THAP12: variants seen among roughly 807,000 people sequenced by gnomAD.
THAP12 encodes THAP domain containing 12, also known as 52 kDa repressor of the inhibitor of the protein kinase.
THAP12 carries 20 observed loss-of-function variants against 63.0 expected under a neutral mutation model. That is an observed-to-expected ratio of 0.32 (90% CI 0.22 to 0.46). The LOEUF is 0.46. THAP12 is among the 20% of genes least tolerant of loss of function. THAP12 has a pLI of 1.00. For missense variants in THAP12, 568 were observed against 908.2 expected (o/e 0.63, Z 4.81); for synonymous variants, 264 against 328.4 (o/e 0.80, Z 2.12).
chr11:76,369,021 C>T (rs1044431557), intron 1 of THAP12, among the ~76,000 whole-genome samples: 11 of 151,956 alleles, frequency 7.2e-5, no homozygotes, highest in Non-Finnish European at 1.5e-4. Context: ...GACTCACATT[C>T]AAAATATATA....
At chr11:76,380,189 C>A (rs545446185) in intron 1 of THAP12, among the ~76,000 whole-genome samples, 1 of 152,308 alleles carries the variant, frequency 6.6e-6, no homozygotes, top group Admixed American at 6.5e-5. Context: ...CCCTACAATA[C>A]CCAAGCGAGA....
rs756133819 is a variant in THAP12 at position 76,361,038 on chromosome 11, T to C, written c.236A>G (p.Asp79Gly). The C allele has an allele frequency of 1.3e-5, 21 of 1,610,488 alleles. No individual in the cohort carries two copies. The highest frequency in any genetic ancestry group is 1.7e-5 in the Non-Finnish European group (20 of 1,178,116). Residue 79 changes from aspartate (D) to glycine (G), a missense_variant, in exon 3 of 5, where the codon GAT becomes GGT. Asp to Gly is a moderately conservative substitution (Grantham distance 94). Transcript: ENST00000260045. ...ATCAAATATTGTTGGTATTGCATTA[T>C]CTCGAAGAACTGTCCTATAAGGACT... ...RTSPYRTVLR[D>G]NAIPTIFDLT...
chr11:76,366,200 G>A (rs1946629359), intron 1 of THAP12, among the ~76,000 whole-genome samples: 1 of 152,102 alleles, frequency 6.6e-6, no homozygotes, highest in Non-Finnish European at 1.5e-5. Context: ...CTTGTTTGGA[G>A]GGAAGTACAA....
At chr11:76,380,613 TGGGGTCGACGGCA>T (rs1056154878) in intron 1 of THAP12, 122 bp downstream of exon 1, 1 of 601,554 alleles carries the variant, frequency 1.7e-6, no homozygotes, top group African/African-American at 2.0e-5. Flanking sequence ...GGTCCAACGC[TGGGGTCGACGGCA>T]GTGCGCTGCG....
chr11:76,352,825 G>C lies in THAP12; in HGVS notation c.356-31C>G, dbSNP rs573395901. The C allele has an allele frequency of 3.0e-4, 453 of 1,500,066 alleles. 1 individual carries two copies. The highest frequency in any genetic ancestry group is 3.9e-4 in the Non-Finnish European group (440 of 1,126,748). The allele number at this position is 1,500,066 out of a possible 1,614,324, so 92.9% of individuals were successfully genotyped here. ...AAACAAAGAATTAATTTTACAAACA[G>C]GCTCATGAAAAACCATACACAACAA... On this transcript the variant is annotated intron_variant, in intron 4 of 4. Transcript: ENST00000260045.
At chr11:76,365,572 C>T (rs746687722) in intron 2 of THAP12, among the ~76,000 whole-genome samples, 2 of 152,002 alleles carry the variant, frequency 1.3e-5, no homozygotes, top group South Asian at 2.1e-4. Flanking sequence ...TTTTCTGTAG[C>T]GACGGCATCT....
chr11:76,371,546 A>G (rs1946674342), intron 1 of THAP12, among the ~76,000 whole-genome samples: 1 of 152,156 alleles, frequency 6.6e-6, no homozygotes, highest in Non-Finnish European at 1.5e-5. Flanking sequence ...ATCTTACTAT[A>G]TTATTCCCAC....
chr11:76,373,736 G>A (rs901955617), intron 1 of THAP12, among the ~76,000 whole-genome samples: 9 of 149,308 alleles, frequency 6.0e-5, no homozygotes, highest in Non-Finnish European at 1.3e-4. Context: ...AAAAAAGTTT[G>A]AAATTTGCTG....
chr11:76,355,526 G>C, intron 4 of THAP12, 92 bp downstream of exon 4: 1 of 1,208,082 alleles, frequency 8.3e-7, no homozygotes, highest in South Asian at 1.6e-5. Context: ...CTCAAGGTAG[G>C]TTTTCAACAC....
chr11:76,361,070 A>G lies in THAP12; in HGVS notation c.211-7T>C. The G allele has an allele frequency of 6.4e-7, 1 of 1,561,516 alleles. No individual in the cohort carries two copies. Among genetic ancestry groups the G allele is most frequent in the Middle Eastern group, 1.8e-4 (1 of 5,644 alleles). Reference sequence around the variant, plus strand: ...GAACTGTCCTATAAGGACTCTGAAAAAGAAAATTGTGTTAATTCAGAGATG... The same window carrying G: ...GAACTGTCCTATAAGGACTCTGAAAGAGAAAATTGTGTTAATTCAGAGATG... On this transcript the variant is annotated splice_polypyrimidine_tract_variant and splice_region_variant and intron_variant, in intron 2 of 4. Coordinates refer to ENST00000260045, the MANE Select transcript of THAP12 (RefSeq NM_004705.4).
At chr11:76,360,633 C>T (rs1946592008) in intron 3 of THAP12, among the ~76,000 whole-genome samples, 2 of 152,184 alleles carry the variant, frequency 1.3e-5, no homozygotes, top group Admixed American at 1.3e-4. Flanking sequence ...GGAAACACCT[C>T]AGCTCTATTT....
chr11:76,353,649 G>A (rs1490479732), intron 4 of THAP12, among the ~76,000 whole-genome samples: 1 of 152,212 alleles, frequency 6.6e-6, no homozygotes, highest in Non-Finnish European at 1.5e-5. Context: ...TAGTCATACA[G>A]GTCAGTGGTG....
At chr11:76,366,470 A>C (rs1341026096) in intron 1 of THAP12, among the ~76,000 whole-genome samples, 1 of 152,238 alleles carries the variant, frequency 6.6e-6, no homozygotes, top group African/African-American at 2.4e-5. Context: ...TCAGGAGGTC[A>C]GGAGATCGAG....
At chr11:76,370,703 T>C (rs926957394) in intron 1 of THAP12, among the ~76,000 whole-genome samples, 7 of 151,450 alleles carry the variant, frequency 4.6e-5, no homozygotes, top group Non-Finnish European at 1.0e-4. Flanking sequence ...ATTATAAAAA[T>C]TATATATGAC....
At chr11:76,374,980 C>G (rs1946699044) in intron 1 of THAP12, among the ~76,000 whole-genome samples, 1 of 152,196 alleles carries the variant, frequency 6.6e-6, no homozygotes, top group South Asian at 2.1e-4. Context: ...GCCAAATCTG[C>G]TGGTGACTTT....
intron 4 of THAP12, among the ~76,000 whole-genome samples, chr11:76,354,234 G>C (rs979343430): frequency 2.0e-5 from 3 of 152,032 alleles, no homozygotes; most frequent in African/African-American, 4.8e-5. Flanking sequence ...GCTTCATAAG[G>C]GTTCAGAAAA....
chr11:76,374,194 T>C (rs192376037), intron 1 of THAP12, among the ~76,000 whole-genome samples: 309 of 152,350 alleles, frequency 2.0e-3, no homozygotes, highest in Non-Finnish European at 3.6e-3. Context: ...GGTAGTTTCT[T>C]CAAGATTAGT....
chr11:76,362,152 T>C (rs1389134127), intron 2 of THAP12, among the ~76,000 whole-genome samples: 1 of 152,232 alleles, frequency 6.6e-6, no homozygotes, highest in Non-Finnish European at 1.5e-5. Flanking sequence ...TAACTGCTAT[T>C]ACACTCCCCT....
chr11:76,371,399 T>C (rs557313939), intron 1 of THAP12, among the ~76,000 whole-genome samples: 58 of 152,314 alleles, frequency 3.8e-4, no homozygotes, highest in African/African-American at 1.3e-3. Flanking sequence ...AAATGTCATT[T>C]CTTGAGGGAA....
Sources: allele counts gnomAD v4.1 joint callset (sites outside exome capture counted in the v4.1 genomes callset), GRCh38; gene constraint gnomAD v4.1.1; transcripts MANE v1.5; gene names NCBI Gene and HGNC (gene_info 2026-07-23, HGNC 2026-07-21).